ZFHX3: variants seen among roughly 807,000 people sequenced by gnomAD.
ZFHX3 encodes the protein zinc finger homeobox protein 3.
ZFHX3 carries 42 observed loss-of-function variants against 279.1 expected under a neutral mutation model. That is an observed-to-expected ratio of 0.15 (90% CI 0.12 to 0.19). The LOEUF is 0.19. Among genes scored for constraint, ZFHX3 ranks in the 10% least tolerant of loss-of-function variants. ZFHX3 has a pLI of 1.00. For missense variants in ZFHX3, 4,981 were observed against 4,754.0 expected (o/e 1.05, Z -1.40); for synonymous variants, 2,293 against 1,957.8 (o/e 1.17, Z -4.52).
At position 72,798,218 on chromosome 16, in the gene ZFHX3, A is replaced by G. The variant is rs775496656; in HGVS notation, c.4464T>C (p.Ile1488=). ...DPTLAEDHTI[I]VEEDKEEESD... ...TCTCTTCCTCCTTGTCTTCCTCAAC[A>G]ATTATGGTATGGTCCTCTGCCAGAG... The change falls in exon 9 of 10, where the codon ATT becomes ATC. Residue 1488 remains isoleucine, a synonymous_variant. Coordinates refer to ENST00000268489, the MANE Select transcript of ZFHX3 (RefSeq NM_006885.4). 9.9e-6 allele frequency: 16 copies of G among 1,614,108 alleles called. No homozygotes were observed. The highest frequency in any genetic ancestry group is 1.4e-5 in the Non-Finnish European group (16 of 1,180,022).
chr16:73,455,810 G>A (rs2018361182), intron 3 of ZFHX3, among the ~76,000 whole-genome samples: 4 of 150,996 alleles, frequency 2.6e-5, no homozygotes, highest in Admixed American at 2.6e-4. Context: ...ATCTGATTTT[G>A]GTTGGAGTGA....
intron 8 of ZFHX3, among the ~76,000 whole-genome samples, chr16:73,067,760 C>T (rs904579244): frequency 1.3e-5 from 2 of 152,156 alleles, no homozygotes; most frequent in African/African-American, 4.8e-5. Context: ...GAATTTAGTG[C>T]CCAGCCTTGG....
Position 72,785,149 on chromosome 16 carries a change from G to GAAAC in ZFHX3, c.*2011_*2014dup, listed in dbSNP as rs1018279253. On this transcript the variant is annotated 3_prime_UTR_variant, in exon 10 of 10. Transcript: ENST00000268489. ...TCTGTTGATGTTTAGCTATGAAAGTGAAACAGCAAAGCATCTATTTATTTG... is the reference window on the plus strand; with the variant it reads ...TCTGTTGATGTTTAGCTATGAAAGTGAAACAAACAGCAAAGCATCTATTTATTTG... The GAAAC allele has an allele frequency of 4.6e-5, 7 of 152,702 alleles. No individual in the cohort carries two copies. The highest frequency in any genetic ancestry group is 2.0e-4 in the Admixed American group (3 of 15,298). 9.5% of individuals were successfully genotyped at this position (152,702 alleles called of 1,614,324 possible).
rs1348004057 is a variant in ZFHX3 at position 72,811,557 on chromosome 16, G to A, written c.3864+20C>T. Reference sequence around the variant, plus strand: ...TGACCCTGGAGAAAGACCACAGGGTGCTGCTCCTGGCTGCCTTACCGTCAT... The same window carrying A: ...TGACCCTGGAGAAAGACCACAGGGTACTGCTCCTGGCTGCCTTACCGTCAT... On this transcript the variant is annotated intron_variant, in intron 7 of 9. Transcript: ENST00000268489. 2 of 1,560,828 alleles carry A rather than the reference G, an allele frequency of 1.3e-6. No individual in the cohort carries two copies. Among genetic ancestry groups the A allele is most frequent in the Admixed American group, 1.7e-5 (1 of 57,190 alleles).
chr16:73,057,092 C>T (rs1965571813), intron 1 of ZFHX3, among the ~76,000 whole-genome samples: 3 of 152,120 alleles, frequency 2.0e-5, no homozygotes, highest in African/African-American at 4.8e-5. Context: ...CAGCATGCTC[C>T]GTCCATACAG....
At chr16:73,102,168 C>T (rs1436316978) in intron 7 of ZFHX3, among the ~76,000 whole-genome samples, 1 of 152,092 alleles carries the variant, frequency 6.6e-6, no homozygotes, top group Admixed American at 6.5e-5. Flanking sequence ...CTCACCTCAG[C>T]CTCCCAAAGT....
chr16:72,955,980 G>C (rs983904034), intron 2 of ZFHX3, among the ~76,000 whole-genome samples: 3 of 152,068 alleles, frequency 2.0e-5, no homozygotes, highest in Non-Finnish European at 4.4e-5. Context: ...GTTCACCCTG[G>C]TGACAAATAA....
intron 2 of ZFHX3, among the ~76,000 whole-genome samples, chr16:73,599,654 T>A (rs1468967163): frequency 6.7e-6 from 1 of 150,022 alleles, no homozygotes; most frequent in African/African-American, 2.4e-5. Context: ...GGAGAGATCA[T>A]CAAAAATGAT....
intron 4 of ZFHX3, among the ~76,000 whole-genome samples, chr16:73,272,014 C>A (rs921317324): frequency 1.1e-4 from 16 of 152,158 alleles, no homozygotes. Flanking sequence ...TTCAGACAAG[C>A]AACCCATACC....
At chr16:73,261,117 T>G (rs2013812509) in intron 4 of ZFHX3, among the ~76,000 whole-genome samples, 2 of 152,212 alleles carry the variant, frequency 1.3e-5, no homozygotes, top group African/African-American at 4.8e-5. Flanking sequence ...AGATTAGACA[T>G]AACCTAAAGA....
chr16:73,842,084 C>T (rs62044574), intron 1 of ZFHX3, among the ~76,000 whole-genome samples: 40,878 of 151,484 alleles, frequency 0.27, 6,994 homozygotes, highest in Non-Finnish European at 0.39. Flanking sequence ...GGCATGGTGG[C>T]GCACGCCTGT....
chr16:73,807,508 G>A (rs1483376803), intron 1 of ZFHX3, among the ~76,000 whole-genome samples: 2 of 151,902 alleles, frequency 1.3e-5, no homozygotes, highest in East Asian at 1.9e-4. Context: ...AGGCTGGGGT[G>A]CAGTAGCACA....
chr16:73,059,564 A>G (rs1397649421), exon 1 of ZFHX3: 1 of 69,714 alleles, frequency 1.4e-5, no homozygotes, highest in Admixed American at 2.1e-4. Context: ...CTCTCTCTCT[A>G]AGCAAACGCA....
intron 1 of ZFHX3, among the ~76,000 whole-genome samples, chr16:73,800,963 A>G (rs1436099412): frequency 6.6e-6 from 1 of 152,188 alleles, no homozygotes; most frequent in Non-Finnish European, 1.5e-5. Flanking sequence ...CTGCCCTGGT[A>G]GTTATAAACG....
intron 2 of ZFHX3, among the ~76,000 whole-genome samples, chr16:73,526,876 C>A (rs1464139083): frequency 6.6e-6 from 1 of 151,756 alleles, no homozygotes; most frequent in Admixed American, 6.6e-5. Flanking sequence ...ATACCCTCTA[C>A]TTCTTATCTA....
At chr16:73,620,533 T>A (rs547881493) in intron 2 of ZFHX3, among the ~76,000 whole-genome samples, 16 of 152,300 alleles carry the variant, frequency 1.1e-4, no homozygotes, top group African/African-American at 3.1e-4. Context: ...CTGGTTTGAA[T>A]AAATGTGAAC....
At chr16:73,030,971 T>C (rs1383101851) in intron 1 of ZFHX3, among the ~76,000 whole-genome samples, 1 of 152,194 alleles carries the variant, frequency 6.6e-6, no homozygotes, top group African/African-American at 2.4e-5. Context: ...GATCCACACT[T>C]CTCCACCCCT....
intron 4 of ZFHX3, among the ~76,000 whole-genome samples, chr16:73,303,963 G>GGAAAAAAAAAAAAAAAAAA (rs781722281): frequency 2.6e-5 from 2 of 76,122 alleles, no homozygotes; most frequent in Non-Finnish European, 2.7e-5. Flanking sequence ...ACCCTAGGTG[G>GGAAAAAAAAAAAAAAAAAA]AAAAAAAAAA....
intron 2 of ZFHX3, among the ~76,000 whole-genome samples, chr16:73,614,267 G>C (rs527813814): frequency 6.3e-4 from 96 of 152,320 alleles, no homozygotes; most frequent in African/African-American, 2.2e-3. Context: ...TCTCTGACTG[G>C]TCATCCAGCC....
Sources: gnomAD v4.1 joint callset for allele counts (sites outside exome capture counted in the v4.1 genomes callset) on GRCh38, gnomAD v4.1.1 for gene constraint, MANE v1.5 for transcripts, NCBI Gene and HGNC (gene_info 2026-07-23, HGNC 2026-07-21) for gene names.